The following SLC41A3 variants were observed in gnomAD, a reference collection of about 807,000 sequenced individuals.
SLC41A3 encodes solute carrier family 41 member 3, also known as SLC41A1-like 2.
A neutral mutation model predicts 45.4 loss-of-function variants in SLC41A3; 44 were observed. That is an observed-to-expected ratio of 0.97 (90% confidence interval 0.76 to 1.25). The LOEUF (loss-of-function observed/expected upper bound fraction) is 1.25. Ranked by LOEUF, SLC41A3 falls within the 50% of genes most tolerant of loss-of-function variation. SLC41A3 has a pLI of 0.00. For synonymous variants in SLC41A3, 256 were observed against 252.4 expected, an observed-to-expected ratio of 1.01 and a Z score of -0.13; for missense variants, 550 against 600.6, an observed-to-expected ratio of 0.92 and a Z score of 0.88.
chr3:126,083,441 C>T (rs1459550303), intron 1 of SLC41A3, among the ~76,000 whole-genome samples: 2 of 152,200 alleles, frequency 1.3e-5, no homozygotes, highest in African/African-American at 2.4e-5. Flanking sequence ...TTTAAAGAGA[C>T]CTATCCCACC....
In SLC41A3 at chr3:126,051,190, T is replaced by TTA. The variant is rs1943309611; in HGVS notation, c.274-142_274-141dup. The TTA allele has an allele frequency of 4.8e-6, 5 of 1,034,340 alleles. No homozygotes were observed. The South Asian group carries it at 1.1e-4, about 23-fold the overall frequency. 64.1% of individuals were successfully genotyped at this position (1,034,340 alleles called of 1,614,324 possible). On this transcript the variant is annotated intron_variant, in intron 2 of 10. Coordinates refer to ENST00000360370, the MANE Select transcript of SLC41A3 (RefSeq NM_017836.4). ...GGACTAAGTACTTTCTTAAATGGCTTTAAACTAAACAGAAATAAATGAAGC... is the reference window on the plus strand; with the variant it reads ...GGACTAAGTACTTTCTTAAATGGCTTTATAAACTAAACAGAAATAAATGAAGC...
intron 1 of SLC41A3, among the ~76,000 whole-genome samples, chr3:126,100,959 C>T (rs968901840): frequency 2.0e-5 from 3 of 152,238 alleles, no homozygotes; most frequent in Non-Finnish European, 4.4e-5. Flanking sequence ...GAGACATAAA[C>T]GTTCTCAAAG....
intron 1 of SLC41A3, among the ~76,000 whole-genome samples, chr3:126,079,363 A>T (rs1576370996): frequency 6.6e-6 from 1 of 152,294 alleles, no homozygotes; most frequent in East Asian, 1.9e-4. Context: ...CAAAGTTTAA[A>T]TATTCTGTAG....
In SLC41A3 at chr3:126,059,311, G is replaced by GAAAGAAAAGAAAGAAAGA. The variant is rs1576331873; in HGVS notation, c.274-8262_274-8261insTCTTTCTTTCTTTTCTTT. Among the ~76,000 whole-genome samples the GAAAGAAAAGAAAGAAAGA allele has an allele frequency of 7.3e-4, 59 of 81,164 alleles. 2 individuals are homozygous for GAAAGAAAAGAAAGAAAGA. The highest frequency in any genetic ancestry group is 1.4e-3 in the South Asian group (3 of 2,192). The allele number at this position is 81,164 out of a possible 152,430, so 53.2% of individuals were successfully genotyped here. ...GAAAGAAAGAAAGAAAGAAAGAAAG[G>GAAAGAAAAGAAAGAAAGA]AAGGATGATCTGTGATAAGTGCTCT... On this transcript the variant is annotated intron_variant, in intron 2 of 10. Coordinates refer to ENST00000360370, the MANE Select transcript of SLC41A3 (RefSeq NM_017836.4).
intron 1 of SLC41A3, 155 bp downstream of exon 1, chr3:126,083,938 C>T (rs1433621194): frequency 2.0e-5 from 3 of 149,508 alleles, no homozygotes; most frequent in African/African-American, 7.4e-5. Flanking sequence ...CCTGACTCCC[C>T]CTCCCGCCGA....
At position 126,026,437 on chromosome 3, in the gene SLC41A3, G is replaced by T. The variant is rs1362753538; in HGVS notation, c.496C>A (p.Leu166Met). Residue 166 changes from leucine (L) to methionine (M), a missense_variant, in exon 5 of 11, where the codon CTG becomes ATG. By Grantham distance (15) the Leu-to-Met change is conservative. Transcript: ENST00000360370. This position sits in a 1 kb window ranked among gnomAD's most constrained non-coding sequence, Gnocchi z 4.2. ...VVGLLAAVAA[L>M]LLGVVSREEV... ...TCTCGAGACACCACGCCCAACAGCA[G>T]CGCAGCCACAGCAGCCAAGAGCCCC... 1 of 1,600,404 alleles carries T rather than the reference G, an allele frequency of 6.2e-7. No homozygotes were observed. The highest frequency in any genetic ancestry group is 1.3e-5 in the African/African-American group (1 of 74,812).
intron 10 of SLC41A3, 77 bp downstream of exon 10, chr3:126,008,655 C>A: frequency 1.9e-6 from 3 of 1,585,250 alleles, no homozygotes; most frequent in African/African-American, 1.3e-5. Flanking sequence ...CTCCCTCAGC[C>A]TCTCACTCAG....
chr3:126,021,130 G>A lies in SLC41A3; in HGVS notation c.745+1656C>T, dbSNP rs539285780. ...AGGATGGTCTTGATCTCCTGACCTC[G>A]TGATCCGCCCGCCTTGGCCTCCCAA... On this transcript the variant is annotated intron_variant, in intron 6 of 10. Coordinates refer to ENST00000360370, the MANE Select transcript of SLC41A3 (RefSeq NM_017836.4). Among the ~76,000 whole-genome samples the A allele has an allele frequency of 2.5e-3, 375 of 152,242 alleles. 1 individual carries two copies. Among genetic ancestry groups the A allele is most frequent in the African/African-American group, 8.4e-3 (349 of 41,546 alleles).
intron 1 of SLC41A3, among the ~76,000 whole-genome samples, chr3:126,093,896 G>A (rs1451475286): frequency 3.9e-5 from 6 of 152,214 alleles, no homozygotes; most frequent in African/African-American, 1.2e-4. Flanking sequence ...GGTAGATACA[G>A]GAGTGGACAT....
intron 3 of SLC41A3, among the ~76,000 whole-genome samples, chr3:126,040,846 C>T (rs1028220629): frequency 2.0e-5 from 3 of 152,128 alleles, no homozygotes; most frequent in Admixed American, 1.3e-4. Context: ...AAATGATGCA[C>T]AAGCACCTCT....
intron 1 of SLC41A3, among the ~76,000 whole-genome samples, chr3:126,098,543 A>T (rs1475060759): frequency 6.6e-6 from 1 of 152,164 alleles, no homozygotes; most frequent in East Asian, 1.9e-4. Flanking sequence ...TGTTACTAAA[A>T]CCCTGATGGG....
intron 3 of SLC41A3, among the ~76,000 whole-genome samples, chr3:126,045,005 T>A (rs1166259033): frequency 1.3e-5 from 2 of 149,864 alleles, no homozygotes; most frequent in African/African-American, 4.9e-5. Flanking sequence ...TCCAAAAATG[T>A]GGAAATCAAG....
intron 2 of SLC41A3, among the ~76,000 whole-genome samples, chr3:126,064,130 C>A (rs12054002): frequency 0.65 from 99,286 of 151,618 alleles, 32,770 homozygotes; most frequent in Middle Eastern, 0.72. Context: ...GGCATCGAGG[C>A]ATCAAGGGGT....
intron 6 of SLC41A3, among the ~76,000 whole-genome samples, chr3:126,021,428 T>A (rs1576231583): frequency 6.6e-6 from 1 of 152,208 alleles, no homozygotes; most frequent in African/African-American, 2.4e-5. Flanking sequence ...TCTTGCCCTT[T>A]CACTGCACAT....
At chr3:126,053,990 C>A (rs1943504724) in intron 2 of SLC41A3, among the ~76,000 whole-genome samples, 1 of 152,270 alleles carries the variant, frequency 6.6e-6, no homozygotes, top group Admixed American at 6.5e-5. Context: ...CTGAAATCAT[C>A]AGAAATAATG....
intron 1 of SLC41A3, among the ~76,000 whole-genome samples, chr3:126,096,593 A>T (rs1945607761): frequency 6.6e-6 from 1 of 152,282 alleles, no homozygotes; most frequent in South Asian, 2.1e-4. Context: ...AGCATGAGCA[A>T]TCTGTGCCTT....
intron 2 of SLC41A3, among the ~76,000 whole-genome samples, chr3:126,064,762 A>G (rs1280251711): frequency 6.6e-6 from 1 of 152,206 alleles, no homozygotes; most frequent in Non-Finnish European, 1.5e-5. Flanking sequence ...TTCCCGGCAC[A>G]TGCACACAAT....
chr3:126,015,617 T>G (rs1940202479), intron 7 of SLC41A3, 44 bp from the exon 8 acceptor site: 1 of 1,587,782 alleles, frequency 6.3e-7, no homozygotes, highest in Non-Finnish European at 8.6e-7. Context: ...GAGTTTACAC[T>G]TACAGTGGCC....
At chr3:126,096,667 G>A (rs183404056) in intron 1 of SLC41A3, among the ~76,000 whole-genome samples, 224 of 152,284 alleles carry the variant, frequency 1.5e-3, no homozygotes, top group African/African-American at 5.1e-3. Context: ...CCATCCCTTC[G>A]TTTCCCATAA....
Sources: gnomAD v4.1 joint callset for allele counts (sites outside exome capture counted in the v4.1 genomes callset) on GRCh38, gnomAD v4.1.1 for gene constraint, Gnocchi (gnomAD v3.1) non-coding constraint, MANE v1.5 for transcripts, NCBI Gene and HGNC (gene_info 2026-07-23, HGNC 2026-07-21) for gene names.